SLC25A21: variants seen among roughly 807,000 people sequenced by gnomAD.
The protein encoded by SLC25A21 is mitochondrial 2-oxodicarboxylate carrier.
A neutral mutation model predicts 43.8 loss-of-function variants in SLC25A21; 47 were observed. That is an observed-to-expected ratio of 1.07 (90% CI 0.85 to 1.37). SLC25A21 has a LOEUF of 1.37. SLC25A21 is among the 40% of genes most tolerant of loss of function. The pLI, the probability that SLC25A21 is intolerant of heterozygous loss-of-function variation, is 0.00. For missense variants in SLC25A21, 352 were observed against 350.2 expected (o/e 1.00, Z -0.04); for synonymous variants, 131 against 121.3 (o/e 1.08, Z -0.52).
chr14:36,784,569 G>A (rs1463408874), intron 3 of SLC25A21, among the ~76,000 whole-genome samples: 1 of 152,162 alleles, frequency 6.6e-6, no homozygotes, highest in Non-Finnish European at 1.5e-5. Flanking sequence ...TCTCAGTTAA[G>A]AGCAGTAACC....
chr14:36,969,707 G>A (rs1482322961), intron 1 of SLC25A21, among the ~76,000 whole-genome samples: 1 of 151,706 alleles, frequency 6.6e-6, no homozygotes. Flanking sequence ...ATCTATACTG[G>A]TCCCAAACTC....
intron 1 of SLC25A21, among the ~76,000 whole-genome samples, chr14:37,058,602 C>G (rs1184816338): frequency 6.6e-6 from 1 of 152,170 alleles, no homozygotes; most frequent in Non-Finnish European, 1.5e-5. Flanking sequence ...CACATAGATT[C>G]TATTCTGCCA....
chr14:36,724,743 T>C (rs926568021), intron 6 of SLC25A21, among the ~76,000 whole-genome samples: 2 of 152,186 alleles, frequency 1.3e-5, no homozygotes, highest in African/African-American at 4.8e-5. Flanking sequence ...CCCGTCATTG[T>C]CCAAGTGCTC....
chr14:36,784,485 C>A (rs1250195410), intron 3 of SLC25A21, among the ~76,000 whole-genome samples: 1 of 152,114 alleles, frequency 6.6e-6, no homozygotes, highest in South Asian at 2.1e-4. Flanking sequence ...CTAGAGCTGA[C>A]CTCACCCGCC....
At position 37,011,177 on chromosome 14, in the gene SLC25A21, G is replaced by A. The variant is rs546957884; in HGVS notation, c.71-136173C>T. On this transcript the variant is annotated intron_variant, in intron 1 of 9. Transcript: ENST00000331299. Reference sequence around the variant, plus strand: ...GCGGGGCTTACAGGTATCAGCCACCGTGCCCAGCCTGACATTTTAAATTTT... The same window carrying A: ...GCGGGGCTTACAGGTATCAGCCACCATGCCCAGCCTGACATTTTAAATTTT... Among the ~76,000 whole-genome samples, 6 of 152,154 alleles carry A rather than the reference G, an allele frequency of 3.9e-5. No individual in the cohort carries two copies. The East Asian group carries it at 9.7e-4, about 25-fold the overall frequency.
chr14:36,789,726 TATTTTATATATTTATATATAATAC>T lies in SLC25A21; in HGVS notation c.203+24168_203+24191del, dbSNP rs1566615334. Among the ~76,000 whole-genome samples, 124 of 130,682 alleles carry T rather than the reference TATTTTATATATTTATATATAATAC, an allele frequency of 9.5e-4. 6 individuals carry two copies. The South Asian group carries it at 0.025, about 26-fold the overall frequency. The allele number at this position is 130,682 out of a possible 152,430, so 85.7% of individuals were successfully genotyped here. On this transcript the variant is annotated intron_variant, in intron 3 of 9. Coordinates refer to ENST00000331299, the MANE Select transcript of SLC25A21 (RefSeq NM_030631.4). Reference sequence around the variant, plus strand: ...ATATTTTATATATTTATATATAATATATTTTATATATTTATATATAATACATTTTATATATTTATATATAATACA... The same window carrying T: ...ATATTTTATATATTTATATATAATATATTTTATATATTTATATATAATACA...
At chr14:36,836,829 T>C (rs968176972) in intron 2 of SLC25A21, among the ~76,000 whole-genome samples, 10 of 152,218 alleles carry the variant, frequency 6.6e-5, no homozygotes, top group African/African-American at 2.2e-4. Context: ...TTTTTGGTTT[T>C]GTTCTAAGAG....
intron 2 of SLC25A21, among the ~76,000 whole-genome samples, chr14:36,859,760 G>C (rs1235988405): frequency 1.3e-5 from 2 of 152,132 alleles, no homozygotes; most frequent in African/African-American, 2.4e-5. Context: ...AGATTACTAA[G>C]TAGCCAAAGA....
chr14:36,917,287 C>A (rs777942256), intron 1 of SLC25A21, among the ~76,000 whole-genome samples: 31 of 152,066 alleles, frequency 2.0e-4, no homozygotes, highest in Non-Finnish European at 3.7e-4. Context: ...CTAAGTGAGC[C>A]TCATGACTTC....
intron 6 of SLC25A21, among the ~76,000 whole-genome samples, chr14:36,719,195 AAC>A (rs1884277571): frequency 6.6e-6 from 1 of 152,262 alleles, no homozygotes; most frequent in Non-Finnish European, 1.5e-5. Context: ...ATGCCAGCCA[AAC>A]ATCACTTGCC....
intron 2 of SLC25A21, among the ~76,000 whole-genome samples, chr14:36,854,686 C>A (rs1310163032): frequency 1.3e-5 from 2 of 152,084 alleles, no homozygotes; most frequent in Non-Finnish European, 2.9e-5. Context: ...AAATGGTAGT[C>A]TGGTGTAGAT....
intron 1 of SLC25A21, among the ~76,000 whole-genome samples, chr14:37,050,235 T>A (rs1457223285): frequency 2.6e-5 from 4 of 152,218 alleles, no homozygotes; most frequent in African/African-American, 9.6e-5. Context: ...TATCCATAAA[T>A]AAGAACATTA....
rs1453669198 is a variant in SLC25A21 at position 36,889,252 on chromosome 14, T to C, written c.71-14248A>G. Among the ~76,000 whole-genome samples, 5 of 152,324 alleles carry C rather than the reference T, an allele frequency of 3.3e-5. No individual in the cohort carries two copies. In the East Asian group the frequency reaches 9.6e-4, roughly 29 times the overall value. Reference sequence around the variant, plus strand: ...AGCCATATAGTTTAATCACACAAGATTTCTACTAGGTGTGGATTAATTAGG... The same window carrying C: ...AGCCATATAGTTTAATCACACAAGACTTCTACTAGGTGTGGATTAATTAGG... On this transcript the variant is annotated intron_variant, in intron 1 of 9. Transcript: ENST00000331299.
chr14:36,980,011 G>A (rs911903712), intron 1 of SLC25A21, among the ~76,000 whole-genome samples: 1 of 152,182 alleles, frequency 6.6e-6, no homozygotes, highest in Non-Finnish European at 1.5e-5. Flanking sequence ...GTGCTTCAAT[G>A]ATAGTAGTAG....
At chr14:36,970,764 C>A (rs1290976513) in intron 1 of SLC25A21, among the ~76,000 whole-genome samples, 1 of 152,162 alleles carries the variant, frequency 6.6e-6, no homozygotes, top group Non-Finnish European at 1.5e-5. Context: ...AATACTCAAA[C>A]ATCTTTAGTT....
chr14:36,977,995 T>C (rs1959921719), intron 1 of SLC25A21, among the ~76,000 whole-genome samples: 1 of 151,378 alleles, frequency 6.6e-6, no homozygotes, highest in African/African-American at 2.4e-5. Context: ...TTGTAAATAC[T>C]GAACTGTCAT....
At chr14:36,906,570 A>T (rs1309333674) in intron 1 of SLC25A21, among the ~76,000 whole-genome samples, 1 of 150,938 alleles carries the variant, frequency 6.6e-6, no homozygotes, top group African/African-American at 2.4e-5. Context: ...CAGTGGCATG[A>T]TCTCGGCTCA....
chr14:37,064,625 T>C (rs909349745), intron 1 of SLC25A21, among the ~76,000 whole-genome samples: 1 of 152,156 alleles, frequency 6.6e-6, no homozygotes. Context: ...AACCAGACTG[T>C]ACCCCTTCAG....
chr14:37,075,016 C>A (rs1962252075), intron 1 of SLC25A21, among the ~76,000 whole-genome samples: 1 of 152,052 alleles, frequency 6.6e-6, no homozygotes, highest in Admixed American at 6.5e-5. Context: ...ATTACATGGA[C>A]CCTGTGAAGT....
Sources: gnomAD v4.1 joint callset for allele counts (sites outside exome capture counted in the v4.1 genomes callset) on GRCh38, gnomAD v4.1.1 for gene constraint, MANE v1.5 for transcripts, NCBI Gene and HGNC (gene_info 2026-07-23, HGNC 2026-07-21) for gene names.